Variants in PLA2G4E observed in about 807,000 individuals in gnomAD.
PLA2G4E encodes the protein phospholipase A2 group IVE.
PLA2G4E carries 84 observed loss-of-function variants against 109.1 expected under a neutral mutation model. The observed-to-expected ratio is 0.77, with a 90% CI of 0.65 to 0.92. The LOEUF (loss-of-function observed/expected upper bound fraction) is 0.92, where lower values mean the gene tolerates loss of function less well. Among genes scored for constraint, PLA2G4E ranks in the 40% least tolerant of loss-of-function variants. The probability of loss-of-function intolerance (pLI) is 0.00; values close to 1 mark genes in which losing one functional copy is unlikely to be tolerated. For missense variants in PLA2G4E, 1,057 were observed against 1,076.6 expected, an observed-to-expected ratio of 0.98 and a Z score of 0.25; for synonymous variants, 469 against 436.1, an observed-to-expected ratio of 1.08 and a Z score of -0.94.
intron 17 of PLA2G4E, chr15:41,986,870 C>A: frequency 2.5e-6 from 1 of 407,750 alleles, no homozygotes. Flanking sequence ...AAAGTAAGAC[C>A]CCCTGTTTCC....
chr15:42,032,392 A>T (rs1889128374), intron 1 of PLA2G4E, among the ~76,000 whole-genome samples: 2 of 152,160 alleles, frequency 1.3e-5, no homozygotes, highest in African/African-American at 4.8e-5. Flanking sequence ...ACCACCCCAC[A>T]GGGAAGGGGA....
At chr15:41,989,438 T>C in exon 15 of PLA2G4E, 3 of 1,613,942 alleles carry the variant, frequency 1.9e-6, no homozygotes, top group Non-Finnish European at 2.5e-6. Flanking sequence ...GATTCGAGAC[T>C]CCGGGATCCT....
intron 1 of PLA2G4E, among the ~76,000 whole-genome samples, chr15:42,034,174 T>G (rs541277104): frequency 1.3e-5 from 2 of 152,226 alleles, no homozygotes; most frequent in Non-Finnish European, 2.9e-5. Context: ...AGACTTTTAG[T>G]GCTAAAACTG....
chr15:41,983,426 A>G, exon 20 of PLA2G4E: 1 of 308,800 alleles, frequency 3.2e-6, no homozygotes. Flanking sequence ...TCTGCCTCTG[A>G]GTCGAGGTTT....
chr15:42,005,014 C>T (rs139214821), intron 4 of PLA2G4E, 36 bp from the exon 5 acceptor site: 16 of 1,608,474 alleles, frequency 9.9e-6, no homozygotes, highest in East Asian at 4.5e-5. Context: ...CTGTGAGTGG[C>T]GTCTGCACAT....
intron 1 of PLA2G4E, among the ~76,000 whole-genome samples, chr15:42,025,903 A>C (rs1235439105): frequency 6.6e-6 from 1 of 152,242 alleles, no homozygotes; most frequent in Non-Finnish European, 1.5e-5. Context: ...TCTAACCATT[A>C]AAATAAAACT....
At chr15:41,983,454 T>C (rs2068090108) in exon 20 of PLA2G4E, 3 of 354,440 alleles carry the variant, frequency 8.5e-6, no homozygotes, top group Admixed American at 8.6e-5. Flanking sequence ...CCCAGCCTCT[T>C]CCCCAGGCTT....
rs79198807 is a variant in PLA2G4E, at chr15:41,997,321, C to A, written c.975-62G>T. 4.1e-3 allele frequency: 5,919 copies of A among 1,448,926 alleles called. 231 individuals are homozygous for A. The African/African-American group carries it at 0.077, about 19-fold the overall frequency. 89.8% of individuals were successfully genotyped at this position (1,448,926 alleles called of 1,614,324 possible). On this transcript the variant is annotated intron_variant, in intron 10 of 19. Coordinates refer to ENST00000399518, the Ensembl canonical transcript of PLA2G4E. ...CTCTACCTCCCTGGAGTAGACACAGCTTCAGGGTCCATTGGACCTAGGCTC... is the reference window on the plus strand; with the variant it reads ...CTCTACCTCCCTGGAGTAGACACAGATTCAGGGTCCATTGGACCTAGGCTC...
chr15:42,038,027 C>T (rs1420565283), intron 1 of PLA2G4E, among the ~76,000 whole-genome samples: 1 of 152,206 alleles, frequency 6.6e-6, no homozygotes, highest in Non-Finnish European at 1.5e-5. Context: ...CCAATAGCCA[C>T]AGGTTTCTGG....
intron 10 of PLA2G4E, 103 bp from the exon 11 acceptor site, chr15:41,997,362 C>T: frequency 7.6e-7 from 1 of 1,308,466 alleles, no homozygotes. Context: ...CTACTTCTGC[C>T]AGCGACCACT....
intron 1 of PLA2G4E, among the ~76,000 whole-genome samples, chr15:42,020,227 C>T (rs1176122659): frequency 2.0e-5 from 3 of 152,226 alleles, no homozygotes; most frequent in Admixed American, 1.3e-4. Context: ...TTAACTTGAG[C>T]CGGGGAGGTG....
chr15:42,036,260 C>A (rs1195273105), intron 1 of PLA2G4E, among the ~76,000 whole-genome samples: 4 of 152,214 alleles, frequency 2.6e-5, no homozygotes, highest in Non-Finnish European at 4.4e-5. Context: ...TGGGGCTGGG[C>A]CAGGTCGCCC....
At chr15:41,999,990 C>A in exon 9 of PLA2G4E, 1 of 1,608,138 alleles carries the variant, frequency 6.2e-7, no homozygotes, top group Non-Finnish European at 8.5e-7. Flanking sequence ...CTTGCGAGAG[C>A]GGCAGCAAAG....
rs573328225 is a variant in PLA2G4E at position 41,990,225 on chromosome 15, C to T, written c.1481G>A (p.Cys494Tyr). Reference sequence around the variant, plus strand: ...AGCAGCACGCTGATCTGACAGTTTGCATTCATTTCTCTGTGGGGAAACAAA... The same window carrying T: ...AGCAGCACGCTGATCTGACAGTTTGTATTCATTTCTCTGTGGGGAAACAAA... The change falls in exon 14 of 20, where the codon TGC becomes TAC. Residue 494 changes from cysteine to tyrosine, a missense_variant. Transcript: ENST00000399518. 27 of 1,613,594 alleles carry T rather than the reference C, an allele frequency of 1.7e-5. No homozygotes were observed. The African/African-American group carries it at 3.2e-4, about 19-fold the overall frequency.
chr15:42,001,175 G>T (rs765947340), exon 7 of PLA2G4E: 1 of 1,613,470 alleles, frequency 6.2e-7, no homozygotes, highest in Non-Finnish European at 8.5e-7. Flanking sequence ...CTCTTCCTCC[G>T]CCTCCTGGAT....
At chr15:42,010,216 C>T (rs778181332) in intron 2 of PLA2G4E, 6 of 518,080 alleles carry the variant, frequency 1.2e-5, no homozygotes, top group Non-Finnish European at 2.4e-5. Context: ...CAGCTCTATA[C>T]CTACTGGTTC....
At chr15:42,036,537 C>T (rs1411855195) in intron 1 of PLA2G4E, among the ~76,000 whole-genome samples, 1 of 152,102 alleles carries the variant, frequency 6.6e-6, no homozygotes, top group Non-Finnish European at 1.5e-5. Context: ...CTGCTCAGGG[C>T]CGCGTCCCCA....
Position 41,990,229 on chromosome 15 carries a change from C to CA in PLA2G4E, c.1476dup (p.Glu493Ter), listed in dbSNP as rs755959627. On this transcript the variant is annotated frameshift_variant, in exon 14 of 20. Transcript: ENST00000399518. LOFTEE classifies it high-confidence loss of function. Reference sequence around the variant, plus strand: ...GCACGCTGATCTGACAGTTTGCATTCATTTCTCTGTGGGGAAACAAAATGG... The same window carrying CA: ...GCACGCTGATCTGACAGTTTGCATTCAATTTCTCTGTGGGGAAACAAAATGG... The CA allele has an allele frequency of 1.5e-5, 24 of 1,613,322 alleles. No homozygotes were observed. Among genetic ancestry groups the CA allele is most frequent in the Non-Finnish European group, 2.0e-5 (24 of 1,179,706 alleles).
intron 2 of PLA2G4E, among the ~76,000 whole-genome samples, chr15:42,008,580 G>C (rs990641267): frequency 2.0e-5 from 3 of 152,122 alleles, no homozygotes; most frequent in Non-Finnish European, 4.4e-5. Flanking sequence ...CTCTGGAGAA[G>C]GGACAGAGGC....
Sources: allele counts gnomAD v4.1 joint callset (sites outside exome capture counted in the v4.1 genomes callset), GRCh38; gene constraint gnomAD v4.1.1; transcripts MANE v1.5; gene names NCBI Gene and HGNC (gene_info 2026-07-23, HGNC 2026-07-21).